ADAMTS2: variants seen among roughly 807,000 people sequenced by gnomAD.
ADAMTS2 encodes A disintegrin and metalloproteinase with thrombospondin motifs 2.
A neutral mutation model predicts 123.0 loss-of-function variants in ADAMTS2; 50 were observed. The observed-to-expected ratio is 0.41, with a 90% CI of 0.32 to 0.51. The LOEUF (loss-of-function observed/expected upper bound fraction) is 0.51. Among genes scored for constraint, ADAMTS2 ranks in the 20% least tolerant of loss-of-function variants. ADAMTS2 has a pLI of 0.35. For missense variants in ADAMTS2, 1,494 were observed against 1,705.2 expected (o/e 0.88, Z 2.18); for synonymous variants, 678 against 695.4 (o/e 0.98, Z 0.39).
chr5:179,113,803 G>T lies in ADAMTS2; in HGVS notation c.*64C>A. On this transcript the variant is annotated 3_prime_UTR_variant, in exon 22 of 22. Coordinates refer to ENST00000251582, the MANE Select transcript of ADAMTS2 (RefSeq NM_014244.5). ...ACTTCATCTCCATGACACAGGATTT[G>T]CTATCCCATGGAATATCTCTATAAG... The T allele has an allele frequency of 6.7e-7, 1 of 1,496,942 alleles. No individual in the cohort carries two copies. The highest frequency in any genetic ancestry group is 9.3e-7 in the Non-Finnish European group (1 of 1,074,066). 92.7% of individuals were successfully genotyped at this position (1,496,942 alleles called of 1,614,324 possible).
intron 2 of ADAMTS2, among the ~76,000 whole-genome samples, chr5:179,323,602 A>T (rs2113597637): frequency 6.6e-6 from 1 of 152,342 alleles, no homozygotes; most frequent in African/African-American, 2.4e-5. Flanking sequence ...ATCTTTACTA[A>T]CTGGGAACTG....
In ADAMTS2 at chr5:179,162,047, G is replaced by C. The variant is rs147178483; in HGVS notation, c.976-3168C>G. ...AGCCTTGCTGGGCTCCAGGGAAAGG[G>C]GCCTTGCTTCCTCCAGGGCACGTCT... is the stretch of plus-strand genomic sequence containing the variant. On this transcript the variant is annotated intron_variant, in intron 5 of 21. Transcript: ENST00000251582. This position sits in a 1 kb window ranked among gnomAD's most constrained non-coding sequence, Gnocchi z 5.1. Among the ~76,000 whole-genome samples the C allele has an allele frequency of 1.2e-3, 187 of 152,182 alleles. 1 individual carries two copies. The highest frequency in any genetic ancestry group is 3.9e-3 in the African/African-American group (163 of 41,518).
At chr5:179,206,999 G>C (rs1400835771) in intron 4 of ADAMTS2, among the ~76,000 whole-genome samples, 1 of 152,114 alleles carries the variant, frequency 6.6e-6, no homozygotes, top group African/African-American at 2.4e-5. Flanking sequence ...TTGGTGTCTG[G>C]CCCTCGCTCT....
At chr5:179,270,748 C>T (rs377302870) in intron 3 of ADAMTS2, among the ~76,000 whole-genome samples, 3 of 152,016 alleles carry the variant, frequency 2.0e-5, no homozygotes, top group Non-Finnish European at 2.9e-5. Flanking sequence ...GTCAGTGTGT[C>T]GATCTCAGCC....
chr5:179,127,381 C>T (rs1762878614), intron 17 of ADAMTS2, among the ~76,000 whole-genome samples: 1 of 152,126 alleles, frequency 6.6e-6, no homozygotes, highest in Non-Finnish European at 1.5e-5. Flanking sequence ...AGCATGGCAT[C>T]GAGGGAGGAC....
In ADAMTS2 at chr5:179,170,396, C is replaced by T. The variant is rs753790595; in HGVS notation, c.975+10676G>A. Among the ~76,000 whole-genome samples the T allele has an allele frequency of 4.6e-5, 7 of 152,202 alleles. No homozygotes were observed. The highest frequency in any genetic ancestry group is 3.4e-3 in the Middle Eastern group (1 of 294). On this transcript the variant is annotated intron_variant, in intron 5 of 21. Transcript: ENST00000251582. This position sits in a 1 kb window ranked among gnomAD's most constrained non-coding sequence, Gnocchi z 4.3. ...CACATCCCCCAGAGTCTGTCCCCAC[C>T]GTGGGGGGGACAGCTCAGCCCCCTC...
At position 179,273,128 on chromosome 5, in the gene ADAMTS2, G is replaced by A. The variant is rs536917532; in HGVS notation, c.535-64C>T. 2.2e-5 allele frequency: 35 copies of A among 1,610,012 alleles called. No individual in the cohort carries two copies. In the South Asian group the frequency reaches 3.1e-4, roughly 14 times the overall value. ...CAAAAGACCAAGGAAGGGGAACAGC[G>A]AGGAGACCCCCTCAGGGAGTACCTC... is the stretch of plus-strand genomic sequence containing the variant. On this transcript the variant is annotated intron_variant, in intron 2 of 21. Transcript: ENST00000251582.
At chr5:179,244,185 C>T (rs574437689) in intron 3 of ADAMTS2, among the ~76,000 whole-genome samples, 21 of 147,900 alleles carry the variant, frequency 1.4e-4, no homozygotes, top group Admixed American at 7.4e-4. Flanking sequence ...AAACTTCAAA[C>T]GGGATAAATG....
chr5:179,125,981 G>A lies in ADAMTS2; in HGVS notation c.2750+17C>T, dbSNP rs370736045. The stretch of plus-strand genomic sequence containing the variant: ...GGCCTGTCTCCTCTAGTGGGAGCCC[G>A]AGCTGGGGGCACTCACACTGGCTGG... On this transcript the variant is annotated intron_variant, in intron 18 of 21. Coordinates refer to ENST00000251582, the MANE Select transcript of ADAMTS2 (RefSeq NM_014244.5). The A allele has an allele frequency of 2.9e-5, 46 of 1,613,256 alleles. No individual in the cohort carries two copies. Among genetic ancestry groups the A allele is most frequent in the South Asian group, 5.5e-5 (5 of 91,086 alleles).
chr5:179,264,850 T>C (rs1368867114), intron 3 of ADAMTS2, among the ~76,000 whole-genome samples: 1 of 145,554 alleles, frequency 6.9e-6, no homozygotes, highest in Non-Finnish European at 1.5e-5. Context: ...CTGGGCCCCT[T>C]AGTGAGCCAG....
At chr5:179,215,520 G>A (rs1696820142) in intron 3 of ADAMTS2, among the ~76,000 whole-genome samples, 1 of 152,276 alleles carries the variant, frequency 6.6e-6, no homozygotes, top group South Asian at 2.1e-4. Context: ...AGGTTAAAAT[G>A]GCGGATTGAA....
In ADAMTS2 at chr5:179,308,015, G is replaced by C. The variant is rs1453513155; in HGVS notation, c.535-34951C>G. On this transcript the variant is annotated intron_variant, in intron 2 of 21. Coordinates refer to ENST00000251582, the MANE Select transcript of ADAMTS2 (RefSeq NM_014244.5). The surrounding 1 kb of genome is among the most constrained non-coding windows in gnomAD (Gnocchi z 6.6). Reference sequence around the variant, plus strand: ...CAGTGCCTGGCATCTCACAGGCATGGAGTTGAGTACGGGAGGTCGCCGGCC... The same window carrying C: ...CAGTGCCTGGCATCTCACAGGCATGCAGTTGAGTACGGGAGGTCGCCGGCC... Among the ~76,000 whole-genome samples, 1 of 152,194 alleles carries C rather than the reference G, an allele frequency of 6.6e-6. No homozygotes were observed. Among genetic ancestry groups the C allele is most frequent in the Non-Finnish European group, 1.5e-5 (1 of 68,042 alleles).
intron 2 of ADAMTS2, among the ~76,000 whole-genome samples, chr5:179,330,274 G>A (rs1339919036): frequency 1.3e-5 from 2 of 152,174 alleles, no homozygotes; most frequent in Admixed American, 1.3e-4. Context: ...CAGGTTGGGG[G>A]AAGGCTGTGA....
chr5:179,329,056 A>C (rs6888127), intron 2 of ADAMTS2, among the ~76,000 whole-genome samples: 6 of 152,132 alleles, frequency 3.9e-5, no homozygotes, highest in Non-Finnish European at 5.9e-5. Context: ...GGCCAGGCAC[A>C]GTGGCTCATG....
chr5:179,122,783 G>GA lies in ADAMTS2; in HGVS notation c.2959-11dup. The GA allele has an allele frequency of 2.6e-6, 4 of 1,554,526 alleles. No individual in the cohort carries two copies. The highest frequency in any genetic ancestry group is 3.5e-6 in the Non-Finnish European group (4 of 1,149,354). On this transcript the variant is annotated splice_polypyrimidine_tract_variant and intron_variant, in intron 19 of 21. Coordinates refer to ENST00000251582, the MANE Select transcript of ADAMTS2 (RefSeq NM_014244.5). Reference sequence around the variant, plus strand: ...CACAGGTTACTGAGCACTGCAGGGGGAGAGTCGCCAGGCAGGGTTCACCTC... The same window carrying GA: ...CACAGGTTACTGAGCACTGCAGGGGGAAGAGTCGCCAGGCAGGGTTCACCTC...
rs970673506 is a variant in ADAMTS2 at position 179,225,179 on chromosome 5, C to A, written c.689-17464G>T. ...CCAGGCTCCTCCTCCCTCTCATGGA[C>A]TCTCAATTCAGCCCCGCACAGCCAA... On this transcript the variant is annotated intron_variant, in intron 3 of 21. Coordinates refer to ENST00000251582, the MANE Select transcript of ADAMTS2 (RefSeq NM_014244.5). The surrounding 1 kb of genome is among the most constrained non-coding windows in gnomAD (Gnocchi z 4.5). 6.6e-6 allele frequency among the ~76,000 whole-genome samples: 1 copy of A among 152,232 alleles called. No individual in the cohort carries two copies. Among genetic ancestry groups the A allele is most frequent in the African/African-American group, 2.4e-5 (1 of 41,454 alleles).
intron 5 of ADAMTS2, among the ~76,000 whole-genome samples, chr5:179,176,682 C>T (rs974547541): frequency 1.3e-5 from 2 of 152,218 alleles, no homozygotes; most frequent in Admixed American, 1.3e-4. Context: ...TCCCACCTGC[C>T]CCTTCTGCAC....
chr5:179,267,797 A>G (rs1235226362), intron 3 of ADAMTS2, among the ~76,000 whole-genome samples: 1 of 151,996 alleles, frequency 6.6e-6, no homozygotes, highest in African/African-American at 2.4e-5. Context: ...CTGTGGAAAG[A>G]GGGCTTTGTC....
intron 5 of ADAMTS2, among the ~76,000 whole-genome samples, chr5:179,167,750 T>G (rs1262025407): frequency 6.6e-6 from 1 of 152,238 alleles, no homozygotes; most frequent in Non-Finnish European, 1.5e-5. Flanking sequence ...TTGGGCAAGT[T>G]ACCTTACTTG....
Sources: allele counts gnomAD v4.1 joint callset (sites outside exome capture counted in the v4.1 genomes callset), GRCh38; gene constraint gnomAD v4.1.1; non-coding constraint Gnocchi (gnomAD v3.1); transcripts MANE v1.5; gene names NCBI Gene and HGNC (gene_info 2026-07-23, HGNC 2026-07-21).